The following ACSM3 variants were observed in gnomAD, a reference collection of about 807,000 sequenced individuals.
ACSM3 encodes acyl-CoA synthetase medium chain family member 3.
Under a neutral mutation model 74.1 loss-of-function variants are expected in ACSM3, and 61 were observed. That is an observed-to-expected ratio of 0.82 (90% CI 0.67 to 1.02). The LOEUF (loss-of-function observed/expected upper bound fraction) is 1.02, where lower values mean the gene tolerates loss of function less well. Among genes scored for constraint, ACSM3 ranks in the 50% least tolerant of loss-of-function variants. ACSM3 has a pLI of 0.00. For missense variants in ACSM3, 660 were observed against 697.0 expected, an observed-to-expected ratio of 0.95 and a Z score of 0.60; for synonymous variants, 213 against 241.5, an observed-to-expected ratio of 0.88 and a Z score of 1.09.
In ACSM3 at chr16:20,797,495, A is replaced by T. The variant is rs2080743514; in HGVS notation, c.*523A>T. On this transcript the variant is annotated 3_prime_UTR_variant, in exon 14 of 14. Coordinates refer to ENST00000289416, the MANE Select transcript of ACSM3 (RefSeq NM_005622.4). Reference sequence around the variant, plus strand: ...TGCAAATAATTTAAAAATAGTTTAGACTTGTTTCAAGGTCTAACTATAAAA... The same window carrying T: ...TGCAAATAATTTAAAAATAGTTTAGTCTTGTTTCAAGGTCTAACTATAAAA... The T allele has an allele frequency of 8.9e-7, 1 of 1,127,342 alleles. No individual in the cohort carries two copies. The highest frequency in any genetic ancestry group is 1.1e-6 in the Non-Finnish European group (1 of 921,712). 69.8% of individuals were successfully genotyped at this position (1,127,342 alleles called of 1,614,324 possible).
At chr16:20,779,421 G>C (rs2080303184) in intron 4 of ACSM3, among the ~76,000 whole-genome samples, 1 of 77,474 alleles carries the variant, frequency 1.3e-5, no homozygotes, top group South Asian at 4.6e-4. Flanking sequence ...GAGAAACCCT[G>C]TCTCAAAAAA....
chr16:20,766,833 G>A (rs2080131352), intron 1 of ACSM3, among the ~76,000 whole-genome samples: 1 of 152,152 alleles, frequency 6.6e-6, no homozygotes, highest in South Asian at 2.1e-4. Context: ...AAGGTACATT[G>A]TTAAAAATGT....
intron 2 of ACSM3, among the ~76,000 whole-genome samples, chr16:20,774,345 G>A (rs1437550962): frequency 6.7e-6 from 1 of 150,056 alleles, no homozygotes; most frequent in South Asian, 2.1e-4. Context: ...GGGTTCAAGC[G>A]ATTCTCCTGC....
At chr16:20,681,443 G>A (rs1239161716) in intron 1 of ACSM3, 1 of 152,142 alleles carries the variant, frequency 6.6e-6, no homozygotes, top group African/African-American at 2.4e-5. Context: ...TTCTTTGTTT[G>A]GAGGATGGTT....
chr16:20,706,169 G>A lies in ACSM3; in HGVS notation c.-190+31347G>A, dbSNP rs1417792340. 3.3e-5 allele frequency among the ~76,000 whole-genome samples: 5 copies of A among 151,628 alleles called. No individual in the cohort carries two copies. In the East Asian group the frequency reaches 9.7e-4, roughly 29 times the overall value. ...ATATTTTAAGAAATAATGACCAAAA[G>A]TTTTCCAGATTTTGGTGAAAGATAT... On this transcript the variant is annotated intron_variant, in intron 1 of 3. Transcript: ENST00000561584.
At chr16:20,697,420 A>G (rs1221573599) in intron 1 of ACSM3, among the ~76,000 whole-genome samples, 3 of 152,076 alleles carry the variant, frequency 2.0e-5, no homozygotes. Flanking sequence ...AACATATTAC[A>G]TGTACGTTCC....
At chr16:20,731,960 T>C (rs1280706392) in intron 1 of ACSM3, among the ~76,000 whole-genome samples, 2 of 152,186 alleles carry the variant, frequency 1.3e-5, no homozygotes, top group African/African-American at 2.4e-5. Flanking sequence ...CTACTAAGAT[T>C]CTTTCTAGAA....
chr16:20,780,624 G>T (rs2080330909), intron 4 of ACSM3, 90 bp from the exon 5 acceptor site: 1 of 1,612,566 alleles, frequency 6.2e-7, no homozygotes, highest in Admixed American at 1.7e-5. Flanking sequence ...ACATGAAGAG[G>T]TTCAAGTGGA....
At chr16:20,785,869 T>A (rs234282) in intron 8 of ACSM3, among the ~76,000 whole-genome samples, 3 of 152,204 alleles carry the variant, frequency 2.0e-5, no homozygotes, top group African/African-American at 7.2e-5. Flanking sequence ...TTGATAAATA[T>A]GGATATATGA....
At position 20,737,067 on chromosome 16, in the gene ACSM3, G is replaced by A. The variant is rs139713563; in HGVS notation, c.-189-12843G>A. The A allele has an allele frequency of 3.1e-4, 503 of 1,614,078 alleles. 4 individuals are homozygous for A. In the African/African-American group the frequency reaches 5.0e-3, roughly 16 times the overall value. On this transcript the variant is annotated intron_variant, in intron 1 of 3. Transcript: ENST00000561584. ...TGTGTTGTTTTGGTCTGATTTGTCC[G>A]CAGATTCCAGTTTAGCTTCTTTCCC... is the stretch of plus-strand genomic sequence containing the variant.
intron 1 of ACSM3, among the ~76,000 whole-genome samples, chr16:20,732,433 C>T (rs573992136): frequency 1.3e-5 from 2 of 152,138 alleles, no homozygotes; most frequent in East Asian, 3.9e-4. Flanking sequence ...ATACAGTAGT[C>T]GTCTTATTTT....
At chr16:20,693,187 T>A (rs546111564) in intron 1 of ACSM3, among the ~76,000 whole-genome samples, 1 of 150,240 alleles carries the variant, frequency 6.7e-6, no homozygotes, top group South Asian at 2.1e-4. Context: ...AAAAAAAAAA[T>A]TCAGATCTTA....
chr16:20,679,434 G>GTTT (rs1437628345), intron 1 of ACSM3: 3 of 152,144 alleles, frequency 2.0e-5, no homozygotes, highest in Non-Finnish European at 2.9e-5. Flanking sequence ...AAGCTAAGAG[G>GTTT]ACCATCTCTA....
At chr16:20,727,261 G>A in intron 1 of ACSM3, 1 of 483,896 alleles carries the variant, frequency 2.1e-6, no homozygotes, top group Admixed American at 2.5e-5. Context: ...TTCTATGCTT[G>A]CTGCTTGAAT....
intron 1 of ACSM3, among the ~76,000 whole-genome samples, chr16:20,746,825 A>G: frequency 6.6e-6 from 1 of 152,206 alleles, no homozygotes; most frequent in East Asian, 1.9e-4. Flanking sequence ...TCATTCCACC[A>G]GTGCCTGGGT....
chr16:20,737,206 C>A lies in ACSM3; in HGVS notation c.-189-12704C>A, dbSNP rs139346917. The stretch of plus-strand genomic sequence containing the variant: ...TTCACAACACTCAGGCAACAGACAG[C>A]TTTGATGATTTCTACTACCACTGTG... On this transcript the variant is annotated intron_variant, in intron 1 of 3. Transcript: ENST00000561584. 9.9e-6 allele frequency: 16 copies of A among 1,614,210 alleles called. No individual in the cohort carries two copies. In the Admixed American group the frequency reaches 2.3e-4, roughly 24 times the overall value.
In ACSM3 at chr16:20,787,948, A is replaced by C. The variant is rs150144340; in HGVS notation, c.1224+1790A>C. Among the ~76,000 whole-genome samples the C allele has an allele frequency of 1.3e-3, 205 of 152,278 alleles. 1 individual carries two copies. The highest frequency in any genetic ancestry group is 4.7e-3 in the African/African-American group (197 of 41,548). ...CACTTCAGTCTCAGATGGTTGGTAA[A>C]CCAAATAATAACAGAACTGATTTCA... On this transcript the variant is annotated intron_variant, in intron 9 of 13. Coordinates refer to ENST00000289416, the MANE Select transcript of ACSM3 (RefSeq NM_005622.4).
At chr16:20,683,922 A>G (rs2079500274) in intron 1 of ACSM3, among the ~76,000 whole-genome samples, 1 of 151,940 alleles carries the variant, frequency 6.6e-6, no homozygotes, top group Admixed American at 6.6e-5. Context: ...ATGGCTTTTC[A>G]TCTCTATACT....
chr16:20,768,525 C>T lies in ACSM3; in HGVS notation c.-51-1459C>T, dbSNP rs113732970. On this transcript the variant is annotated intron_variant, in intron 1 of 13. Transcript: ENST00000289416. ...AATCACAGCCTCTAAATCAGTGATTCTCAACCATGGCTGCTGCACATTAAA... is the reference window on the plus strand; with the variant it reads ...AATCACAGCCTCTAAATCAGTGATTTTCAACCATGGCTGCTGCACATTAAA... Among the ~76,000 whole-genome samples the T allele has an allele frequency of 5.4e-3, 816 of 152,284 alleles. 9 individuals are homozygous for T. Among genetic ancestry groups the T allele is most frequent in the African/African-American group, 0.019 (774 of 41,530 alleles).
Sources: gnomAD v4.1 joint callset for allele counts (sites outside exome capture counted in the v4.1 genomes callset) on GRCh38, gnomAD v4.1.1 for gene constraint, MANE v1.5 for transcripts, NCBI Gene and HGNC (gene_info 2026-07-23, HGNC 2026-07-21) for gene names.